Variants in MTHFD1L observed in about 807,000 individuals in gnomAD.
MTHFD1L encodes the protein methylenetetrahydrofolate dehydrogenase (NADP+ dependent) 1 like.
Under a neutral mutation model 119.5 loss-of-function variants are expected in MTHFD1L, and 81 were observed. The observed-to-expected ratio is 0.68, with a 90% confidence interval of 0.57 to 0.82. The LOEUF is 0.82. MTHFD1L is among the 40% of genes least tolerant of loss of function. The pLI is 0.00. For synonymous variants in MTHFD1L, 430 were observed against 475.2 expected, an observed-to-expected ratio of 0.90 and a Z score of 1.24; for missense variants, 1,125 against 1,253.4, an observed-to-expected ratio of 0.90 and a Z score of 1.55.
At chr6:151,076,842 G>A (rs1467142868) in intron 26 of MTHFD1L, among the ~76,000 whole-genome samples, 1 of 152,110 alleles carries the variant, frequency 6.6e-6, no homozygotes, top group Non-Finnish European at 1.5e-5. Flanking sequence ...ATTTACCCAA[G>A]AGAAATGCAG....
intron 26 of MTHFD1L, among the ~76,000 whole-genome samples, chr6:151,053,492 C>T (rs1789408935): frequency 6.6e-6 from 1 of 152,164 alleles, no homozygotes; most frequent in Non-Finnish European, 1.5e-5. Flanking sequence ...TTGGTGTTCC[C>T]TCCCAAGTAA....
intron 16 of MTHFD1L, among the ~76,000 whole-genome samples, chr6:150,949,479 C>T (rs1485083476): frequency 6.6e-6 from 1 of 152,120 alleles, no homozygotes; most frequent in Non-Finnish European, 1.5e-5. Context: ...CCACGCCTCC[C>T]TGGCTTTGTC....
At chr6:150,869,665 C>T (rs1779064888) in intron 1 of MTHFD1L, among the ~76,000 whole-genome samples, 1 of 151,182 alleles carries the variant, frequency 6.6e-6, no homozygotes, top group South Asian at 2.1e-4. Flanking sequence ...CTATATTGTA[C>T]CTTTCAATTG....
chr6:151,087,507 TGTG>T (rs1416110657), intron 26 of MTHFD1L, among the ~76,000 whole-genome samples: 1 of 152,192 alleles, frequency 6.6e-6, no homozygotes, highest in Non-Finnish European at 1.5e-5. Flanking sequence ...TTTTTGTTGT[TGTG>T]GTTGTTGTTG....
intron 25 of MTHFD1L, 82 bp from the exon 26 acceptor site, chr6:151,036,883 C>G: frequency 6.7e-7 from 1 of 1,483,994 alleles, no homozygotes. Context: ...CCATTGCTGC[C>G]GAGACTGTAT....
chr6:150,893,195 G>A (rs990539589), intron 7 of MTHFD1L, among the ~76,000 whole-genome samples: 3 of 152,106 alleles, frequency 2.0e-5, no homozygotes, highest in Non-Finnish European at 1.5e-5. Context: ...CACCTGAGTA[G>A]CTGGGATTAC....
Position 151,015,503 on chromosome 6 carries a change from T to G in MTHFD1L, c.2409-13T>G. The G allele has an allele frequency of 6.3e-7, 1 of 1,595,358 alleles. No individual in the cohort carries two copies. The highest frequency in any genetic ancestry group is 8.5e-7 in the Non-Finnish European group (1 of 1,171,850). On this transcript the variant is annotated splice_polypyrimidine_tract_variant and intron_variant, in intron 23 of 27. Coordinates refer to ENST00000367321, the MANE Select transcript of MTHFD1L (RefSeq NM_015440.5). The stretch of plus-strand genomic sequence containing the variant: ...GGATACAGATGCAAAACCACAAACA[T>G]TTTCTTCACTAGGACCGACACCCGC...
intron 26 of MTHFD1L, among the ~76,000 whole-genome samples, chr6:151,043,008 G>GGCTGTGTT (rs1787363141): frequency 6.6e-6 from 1 of 152,166 alleles, no homozygotes; most frequent in Admixed American, 6.5e-5. Context: ...GGCCGGTCCT[G>GGCTGTGTT]GCTGTGTTGC....
At chr6:151,041,556 G>A (rs1983751) in intron 26 of MTHFD1L, among the ~76,000 whole-genome samples, 89,761 of 152,082 alleles carry the variant, frequency 0.59, 28,562 homozygotes, top group Non-Finnish European at 0.72. Flanking sequence ...TGAGACCTCA[G>A]GATCAGAAAG....
intron 25 of MTHFD1L, among the ~76,000 whole-genome samples, chr6:151,035,598 C>T (rs1179601081): frequency 6.6e-6 from 1 of 152,086 alleles, no homozygotes; most frequent in Admixed American, 6.5e-5. Flanking sequence ...TGTGCACAGG[C>T]ATTGTGGTGA....
chr6:150,966,644 T>C (rs1048700074), intron 19 of MTHFD1L, among the ~76,000 whole-genome samples: 1 of 152,050 alleles, frequency 6.6e-6, no homozygotes, highest in Non-Finnish European at 1.5e-5. Context: ...GCCAACATAG[T>C]GAATCCCATG....
intron 8 of MTHFD1L, among the ~76,000 whole-genome samples, chr6:150,911,712 G>A (rs557208413): frequency 9.8e-5 from 15 of 152,326 alleles, no homozygotes; most frequent in African/African-American, 3.6e-4. Flanking sequence ...GGAAGAAAAA[G>A]AGGTTTAATT....
chr6:150,869,253 C>T (rs1277999775), intron 1 of MTHFD1L, among the ~76,000 whole-genome samples: 1 of 152,090 alleles, frequency 6.6e-6, no homozygotes, highest in Non-Finnish European at 1.5e-5. Context: ...TGGTTTGCTG[C>T]ACCCATCAAC....
At chr6:151,006,827 C>T (rs1781471807) in intron 20 of MTHFD1L, among the ~76,000 whole-genome samples, 1 of 151,994 alleles carries the variant, frequency 6.6e-6, no homozygotes, top group African/African-American at 2.4e-5. Context: ...AAATATGCAT[C>T]CAGTTGGAAA....
At chr6:150,921,013 G>A (rs894350089) in intron 9 of MTHFD1L, among the ~76,000 whole-genome samples, 8 of 126,236 alleles carry the variant, frequency 6.3e-5, no homozygotes, top group African/African-American at 1.5e-4. Context: ...GTGTAATGTC[G>A]CAAACTCGGC....
At chr6:150,900,743 C>T (rs1322263663) in intron 7 of MTHFD1L, among the ~76,000 whole-genome samples, 1 of 152,162 alleles carries the variant, frequency 6.6e-6, no homozygotes, top group African/African-American at 2.4e-5. Flanking sequence ...CGGCCGGGCG[C>T]GGTGGCTCAC....
At chr6:150,899,105 T>A in intron 7 of MTHFD1L, 1 of 507,496 alleles carries the variant, frequency 2.0e-6, no homozygotes, top group Non-Finnish European at 2.6e-6. Flanking sequence ...ACTAAATATC[T>A]TTGATATTTT....
rs997675297 is a variant in MTHFD1L at position 151,073,105 on chromosome 6, A to C, written c.2848-19362A>C. ...AGAAGGAACCCAGGAGAAAGAGCTC[A>C]ACTGTCTCCCTGAGTTGAAGACAGA... On this transcript the variant is annotated intron_variant, in intron 26 of 27. Transcript: ENST00000367321. Among the ~76,000 whole-genome samples the C allele has an allele frequency of 7.2e-5, 11 of 152,324 alleles. No homozygotes were observed. In the East Asian group the frequency reaches 1.5e-3, roughly 21 times the overall value.
At chr6:151,087,206 G>A (rs1418016768) in intron 26 of MTHFD1L, among the ~76,000 whole-genome samples, 2 of 151,958 alleles carry the variant, frequency 1.3e-5, no homozygotes, top group African/African-American at 4.8e-5. Context: ...CTGAGATCAC[G>A]CTGCTGCAGT....
Sources: allele counts gnomAD v4.1 joint callset (sites outside exome capture counted in the v4.1 genomes callset), GRCh38; gene constraint gnomAD v4.1.1; transcripts MANE v1.5; gene names NCBI Gene and HGNC (gene_info 2026-07-23, HGNC 2026-07-21).